LRRC52: variants seen among roughly 807,000 people sequenced by gnomAD.
LRRC52 encodes leucine rich repeat containing 52.
LRRC52 carries 15 observed loss-of-function variants against 14.7 expected under a neutral mutation model. The ratio of observed to expected loss-of-function variants is 1.02; its 90% CI spans 0.68 to 1.58. The LOEUF (loss-of-function observed/expected upper bound fraction) is 1.58, where lower values mean the gene tolerates loss of function less well. Ranked by LOEUF, LRRC52 falls within the 40% of genes most tolerant of loss-of-function variation. The pLI, the probability that LRRC52 is intolerant of heterozygous loss-of-function variation, is 0.00. For missense variants in LRRC52, 400 were observed against 387.7 expected (o/e 1.03, Z -0.27); for synonymous variants, 180 against 163.9 (o/e 1.10, Z -0.75).
At position 165,544,229 on chromosome 1, in the gene LRRC52, C is replaced by CCCCCCCCCCA; in HGVS notation, c.-68_-67insCCCCCCCCCA. 4.1e-6 allele frequency: 6 copies of CCCCCCCCCCA among 1,476,558 alleles called. No homozygotes were observed. The highest frequency in any genetic ancestry group is 5.4e-6 in the Non-Finnish European group (6 of 1,101,690). The allele number at this position is 1,476,558 out of a possible 1,614,324, so 91.5% of individuals were successfully genotyped here. On this transcript the variant is annotated 5_prime_UTR_variant, in exon 1 of 2. Coordinates refer to ENST00000294818, the MANE Select transcript of LRRC52 (RefSeq NM_001005214.4). ...CCCCTCCCCCGCCCCACCCCCCCACCGGCAGCCTTCGGATCAGAGGACAGA... is the reference window on the plus strand; with the variant it reads ...CCCCTCCCCCGCCCCACCCCCCCACCCCCCCCCCCAGGCAGCCTTCGGATCAGAGGACAGA...
intron 1 of LRRC52, among the ~76,000 whole-genome samples, chr1:165,551,403 C>T (rs370626096): frequency 9.9e-5 from 15 of 152,192 alleles, no homozygotes; most frequent in East Asian, 5.8e-4. Flanking sequence ...GTGGCTGTTC[C>T]AATTAGTAAA....
At chr1:165,546,188 G>C (rs1661016803) in intron 1 of LRRC52, among the ~76,000 whole-genome samples, 1 of 149,890 alleles carries the variant, frequency 6.7e-6, no homozygotes, top group Non-Finnish European at 1.5e-5. Flanking sequence ...AGGGCTTTTA[G>C]GAGGCAAAAT....
Position 165,544,035 on chromosome 1 carries a change from C to A in LRRC52, c.-262C>A. On this transcript the variant is annotated 5_prime_UTR_variant, in exon 1 of 2. Transcript: ENST00000294818. ...TGCAAACGCAGGGAAAGGGTGAGAC[C>A]TTTCAAAGCTGCCAAGTGGGCAAGC... is the stretch of plus-strand genomic sequence containing the variant. 2 of 529,262 alleles carry A rather than the reference C, an allele frequency of 3.8e-6. No homozygotes were observed. The highest frequency in any genetic ancestry group is 6.7e-6 in the Non-Finnish European group (2 of 296,522). 32.8% of individuals were successfully genotyped at this position (529,262 alleles called of 1,614,324 possible).
rs1260389527 is a variant in LRRC52 at position 165,563,628 on chromosome 1, T to C, written c.746T>C (p.Leu249Pro). The change falls in exon 2 of 2, where the codon CTG becomes CCG. Residue 249 changes from leucine to proline, a missense_variant. By Grantham distance (98) the Leu-to-Pro change is moderately conservative (BLOSUM62 -3). Transcript: ENST00000294818. Reference sequence around the variant, plus strand: ...GACCACAAAGACTACATCTTCCTGCTGCTCATCGGCTTCTGCATCTTCGCC... The same window carrying C: ...GACCACAAAGACTACATCTTCCTGCCGCTCATCGGCTTCTGCATCTTCGCC... The part of the protein sequence containing the change: ...HLDHKDYIFL[L>P]LIGFCIFAAG... The C allele has an allele frequency of 8.1e-6, 13 of 1,614,278 alleles. No individual in the cohort carries two copies. The highest frequency in any genetic ancestry group is 1.1e-5 in the Non-Finnish European group (13 of 1,180,044).
chr1:165,552,008 A>T (rs1038099060), intron 1 of LRRC52, among the ~76,000 whole-genome samples: 1 of 150,790 alleles, frequency 6.6e-6, no homozygotes, highest in Non-Finnish European at 1.5e-5. Context: ...CTGGGCAACC[A>T]GCAGCTCCAA....
At chr1:165,548,588 G>A (rs1019423662) in intron 1 of LRRC52, among the ~76,000 whole-genome samples, 1 of 152,224 alleles carries the variant, frequency 6.6e-6, no homozygotes, top group Non-Finnish European at 1.5e-5. Context: ...GCAGAGCCCA[G>A]TGTTAAGAGC....
At chr1:165,557,481 T>G (rs1228522383) in intron 1 of LRRC52, among the ~76,000 whole-genome samples, 2 of 152,202 alleles carry the variant, frequency 1.3e-5, no homozygotes, top group African/African-American at 4.8e-5. Context: ...TAACAATCAA[T>G]TCATTCAACA....
chr1:165,545,019 G>T (rs1660990307), intron 1 of LRRC52, 101 bp downstream of exon 1: 3 of 1,456,880 alleles, frequency 2.1e-6, no homozygotes, highest in Non-Finnish European at 2.8e-6. Context: ...GTTGGGTGAA[G>T]CTGATTGAAT....
chr1:165,558,849 C>CA, intron 1 of LRRC52, among the ~76,000 whole-genome samples: 1 of 152,042 alleles, frequency 6.6e-6, no homozygotes, highest in Non-Finnish European at 1.5e-5. Flanking sequence ...ATACTGCTTA[C>CA]AAAAATATAC....
chr1:165,549,791 C>T (rs893307510), intron 1 of LRRC52, among the ~76,000 whole-genome samples: 1 of 152,192 alleles, frequency 6.6e-6, no homozygotes, highest in African/African-American at 2.4e-5. Context: ...GTGTTTCATT[C>T]ATTTTATTTT....
chr1:165,551,876 C>T lies in LRRC52; in HGVS notation c.622+6958C>T, dbSNP rs1475285155. ...AAAGTCATCCACAACTGTGCCCAAA[C>T]TTAGATTTCCGGAATGAATTCAGGT... On this transcript the variant is annotated intron_variant, in intron 1 of 1. Transcript: ENST00000294818. Among the ~76,000 whole-genome samples the T allele has an allele frequency of 2.0e-5, 3 of 151,724 alleles. 1 individual carries two copies. The highest frequency in any genetic ancestry group is 4.2e-4 in the South Asian group (2 of 4,796).
intron 1 of LRRC52, among the ~76,000 whole-genome samples, chr1:165,556,442 A>C (rs1661235776): frequency 2.6e-5 from 4 of 152,222 alleles, no homozygotes; most frequent in Admixed American, 2.6e-4. Context: ...AGCCCAAATA[A>C]CACAAATCCT....
intron 1 of LRRC52, among the ~76,000 whole-genome samples, chr1:165,556,026 C>T (rs879775431): frequency 1.3e-5 from 2 of 152,264 alleles, no homozygotes; most frequent in Non-Finnish European, 2.9e-5. Flanking sequence ...CCCCTCACCC[C>T]ACCAAAAGGT....
At chr1:165,548,178 C>T (rs1321830352) in intron 1 of LRRC52, among the ~76,000 whole-genome samples, 1 of 152,104 alleles carries the variant, frequency 6.6e-6, no homozygotes, top group Non-Finnish European at 1.5e-5. Flanking sequence ...TCATTTTAGG[C>T]CCAAGGAAAT....
In LRRC52 at chr1:165,544,224, CCCA is replaced by C; in HGVS notation, c.-70_-68del. Reference sequence around the variant, plus strand: ...CAGAGCCCCTCCCCCGCCCCACCCCCCCACCGGCAGCCTTCGGATCAGAGGACA... The same window carrying C: ...CAGAGCCCCTCCCCCGCCCCACCCCCCCGGCAGCCTTCGGATCAGAGGACA... On this transcript the variant is annotated 5_prime_UTR_variant, in exon 1 of 2. Transcript: ENST00000294818. 4.3e-6 allele frequency: 6 copies of C among 1,386,990 alleles called. No homozygotes were observed. The highest frequency in any genetic ancestry group is 2.6e-5 in the East Asian group (1 of 38,300). The allele number at this position is 1,386,990 out of a possible 1,614,324, so 85.9% of individuals were successfully genotyped here. A position where few individuals can be genotyped will look rare whatever the true frequency, so the allele number is the denominator to read the frequency against.
chr1:165,556,617 C>G (rs537841367), intron 1 of LRRC52, among the ~76,000 whole-genome samples: 101 of 152,318 alleles, frequency 6.6e-4, no homozygotes, highest in African/African-American at 2.3e-3. Context: ...GATGGGAAAG[C>G]TGTGTTCCAA....
chr1:165,554,224 C>A (rs927369021), intron 1 of LRRC52, among the ~76,000 whole-genome samples: 4 of 152,078 alleles, frequency 2.6e-5, no homozygotes, highest in African/African-American at 7.2e-5. Flanking sequence ...GTTACAAATT[C>A]TTTGCCTGGC....
chr1:165,546,073 G>A lies in LRRC52; in HGVS notation c.622+1155G>A, dbSNP rs1661014701. ...AGACTTCAAGGAGAACTGGGGGAGA[G>A]AGAATCAAGTGGTGACAGTAAGTAA... On this transcript the variant is annotated intron_variant, in intron 1 of 1. Coordinates refer to ENST00000294818, the MANE Select transcript of LRRC52 (RefSeq NM_001005214.4). Among the ~76,000 whole-genome samples the A allele has an allele frequency of 2.6e-5, 4 of 152,216 alleles. No individual in the cohort carries two copies. The South Asian group carries it at 8.3e-4, about 32-fold the overall frequency.
Position 165,562,624 on chromosome 1 carries a change from C to A in LRRC52, c.623-881C>A, listed in dbSNP as rs116796859. 7.7e-3 allele frequency among the ~76,000 whole-genome samples: 1,166 copies of A among 151,230 alleles called. 16 individuals carry two copies. The highest frequency in any genetic ancestry group is 0.027 in the African/African-American group (1,122 of 41,482). On this transcript the variant is annotated intron_variant, in intron 1 of 1. Coordinates refer to ENST00000294818, the MANE Select transcript of LRRC52 (RefSeq NM_001005214.4). Reference sequence around the variant, plus strand: ...GAATCCGGTATCCTGCTGAAGTTTACAAAATTAGCAAGTAACAGAATCTGG... The same window carrying A: ...GAATCCGGTATCCTGCTGAAGTTTAAAAAATTAGCAAGTAACAGAATCTGG...
Sources: gnomAD v4.1 joint callset for allele counts (sites outside exome capture counted in the v4.1 genomes callset) on GRCh38, gnomAD v4.1.1 for gene constraint, MANE v1.5 for transcripts, NCBI Gene and HGNC (gene_info 2026-07-23, HGNC 2026-07-21) for gene names.